EPN2: variants seen among roughly 807,000 people sequenced by gnomAD.
The protein encoded by EPN2 is epsin 2, also known as epsin-2.
EPN2 carries 34 observed loss-of-function variants against 61.7 expected under a neutral mutation model. The observed-to-expected ratio is 0.55, with a 90% CI of 0.42 to 0.73. The LOEUF (loss-of-function observed/expected upper bound fraction) is 0.73, where lower values mean the gene tolerates loss of function less well. Among genes scored for constraint, EPN2 ranks in the 30% least tolerant of loss-of-function variants. The pLI is 0.00. For synonymous variants in EPN2, 349 were observed against 353.6 expected (o/e 0.99, Z 0.15); for missense variants, 714 against 839.2 (o/e 0.85, Z 1.84).
chr17:19,283,280 C>T lies in EPN2; in HGVS notation c.161C>T (p.Ser54Leu), dbSNP rs2045375234. The change falls in exon 3 of 11, where the codon TCG becomes TTG. Residue 54 changes from serine (S) to leucine (L), a missense_variant. Ser to Leu is a moderately radical substitution (Grantham distance 145, BLOSUM62 -2). Around this residue, in one of 2 missense-constraint regions of EPN2, gnomAD observed 304 missense variants for 417.4 expected, o/e 0.73. Transcript: ENST00000314728. This position sits in a 1 kb window ranked among gnomAD's most constrained non-coding sequence, Gnocchi z 7.0. Reference protein sequence around the residue: ...ADLTYNVVAFSEIMSMVWKRL... With the variant: ...ADLTYNVVAFLEIMSMVWKRL... ...CTGACCTACAACGTGGTGGCCTTCT[C>T]GGAGATCATGAGCATGGTGTGGAAG... 15 of 1,614,094 alleles carry T rather than the reference C, an allele frequency of 9.3e-6. No individual in the cohort carries two copies. The East Asian group carries it at 1.3e-4, about 14-fold the overall frequency.
At chr17:19,269,890 G>A (rs868235145) in intron 1 of EPN2, among the ~76,000 whole-genome samples, 10 of 152,124 alleles carry the variant, frequency 6.6e-5, no homozygotes, top group Non-Finnish European at 1.2e-4. Flanking sequence ...CCATCTTTTG[G>A]CCTCAAACAT....
intron 1 of EPN2, among the ~76,000 whole-genome samples, chr17:19,254,136 GAA>G (rs2045047145): frequency 9.0e-6 from 1 of 110,788 alleles, no homozygotes; most frequent in East Asian, 3.1e-4. Flanking sequence ...TGTCTAAAAA[GAA>G]AGAGAGAGAG....
chr17:19,307,314 T>G (rs1293252937), intron 4 of EPN2, among the ~76,000 whole-genome samples: 2 of 152,068 alleles, frequency 1.3e-5, no homozygotes, highest in Non-Finnish European at 2.9e-5. Flanking sequence ...TAGCTGCAAC[T>G]TTCTTTTTTT....
At position 19,263,899 on chromosome 17, in the gene EPN2, G is replaced by C. The variant is rs80235624; in HGVS notation, c.-293-18056G>C. ...TCCCTGTGGTGGCTGAAGGAAAGAG[G>C]GGGGCTGGAGCGAGAAGGGGGGTTA... On this transcript the variant is annotated intron_variant, in intron 1 of 10. Coordinates refer to ENST00000314728, the MANE Select transcript of EPN2 (RefSeq NM_014964.5). Among the ~76,000 whole-genome samples, 986 of 150,840 alleles carry C rather than the reference G, an allele frequency of 6.5e-3. 54 individuals carry two copies. In the East Asian group the frequency reaches 0.12, roughly 19 times the overall value.
intron 1 of EPN2, among the ~76,000 whole-genome samples, chr17:19,242,774 T>C (rs1202489689): frequency 1.3e-5 from 2 of 152,256 alleles, no homozygotes; most frequent in Non-Finnish European, 2.9e-5. Flanking sequence ...CAGGGAAAAG[T>C]AGGCTCATCC....
At chr17:19,259,308 CTT>C (rs776768357) in intron 1 of EPN2, among the ~76,000 whole-genome samples, 3 of 96,188 alleles carry the variant, frequency 3.1e-5, no homozygotes, top group South Asian at 3.9e-4. Flanking sequence ...AGTGTTGGGT[CTT>C]TTTTTTTTTT....
intron 4 of EPN2, among the ~76,000 whole-genome samples, chr17:19,289,094 T>G (rs1250881162): frequency 1.4e-5 from 2 of 141,536 alleles, no homozygotes; most frequent in African/African-American, 5.3e-5. Flanking sequence ...TTTTTTTTTT[T>G]TTTTTTTTGA....
intron 7 of EPN2, among the ~76,000 whole-genome samples, chr17:19,324,912 G>A (rs554880111): frequency 1.1e-4 from 16 of 152,250 alleles, no homozygotes; most frequent in Admixed American, 2.0e-4. Context: ...ACAGCATTAG[G>A]AATGAAACAG....
At chr17:19,263,254 C>T (rs1009842727) in intron 1 of EPN2, among the ~76,000 whole-genome samples, 1 of 152,130 alleles carries the variant, frequency 6.6e-6, no homozygotes, top group African/African-American at 2.4e-5. Context: ...CTGTCATAGG[C>T]CTAGAAGTGG....
At chr17:19,329,232 C>T in intron 8 of EPN2, 1 of 433,152 alleles carries the variant, frequency 2.3e-6, no homozygotes, top group Non-Finnish European at 4.1e-6. Flanking sequence ...TGACTTCCTA[C>T]AGACCCTCAT....
chr17:19,290,720 A>AAACAG lies in EPN2; in HGVS notation c.766+4932_766+4933insCAGAA, dbSNP rs1555600087. 4.7e-5 allele frequency among the ~76,000 whole-genome samples: 5 copies of AAACAG among 105,570 alleles called. No homozygotes were observed. In the South Asian group the frequency reaches 1.4e-3, roughly 29 times the overall value. 69.3% of individuals were successfully genotyped at this position (105,570 alleles called of 152,430 possible). A position where few individuals can be genotyped will look rare whatever the true frequency, so the allele number is the denominator to read the frequency against. On this transcript the variant is annotated intron_variant, in intron 4 of 10. Transcript: ENST00000314728. The stretch of plus-strand genomic sequence containing the variant: ...GTTCTCAAAAAAAAAAAAAAAGAAA[A>AAACAG]AAAAAGAAAAAGGAAGGCAGGCAGA...
intron 4 of EPN2, among the ~76,000 whole-genome samples, chr17:19,298,614 C>T (rs1567859521): frequency 6.6e-6 from 1 of 152,128 alleles, no homozygotes; most frequent in South Asian, 2.1e-4. Context: ...AGGGATCTTC[C>T]CATCTCAGCC....
At chr17:19,329,290 C>T (rs566329290) in intron 8 of EPN2, 2 of 469,618 alleles carry the variant, frequency 4.3e-6, no homozygotes, top group Non-Finnish European at 7.5e-6. Flanking sequence ...TGCCAGCACC[C>T]CTTTGCCTTT....
chr17:19,293,599 C>T (rs548280046), intron 4 of EPN2, among the ~76,000 whole-genome samples: 7 of 148,940 alleles, frequency 4.7e-5, no homozygotes, highest in Admixed American at 4.1e-4. Flanking sequence ...TGCCACGTTG[C>T]CCAGGCTGAT....
chr17:19,254,127 G>C (rs928388927), intron 1 of EPN2, among the ~76,000 whole-genome samples: 3 of 135,376 alleles, frequency 2.2e-5, no homozygotes, highest in South Asian at 5.4e-4. Flanking sequence ...GCAAGAATCT[G>C]TCTAAAAAGA....
At chr17:19,269,835 A>T (rs772393344) in intron 1 of EPN2, among the ~76,000 whole-genome samples, 70 of 152,140 alleles carry the variant, frequency 4.6e-4, no homozygotes, top group Non-Finnish European at 2.9e-5. Flanking sequence ...GAAAGGATCC[A>T]TTATGGCCCA....
intron 1 of EPN2, among the ~76,000 whole-genome samples, chr17:19,260,069 GC>G (rs1328789992): frequency 6.6e-6 from 1 of 152,192 alleles, no homozygotes; most frequent in Non-Finnish European, 1.5e-5. Flanking sequence ...GGAGCTCTCT[GC>G]AGACAGGGAC....
chr17:19,278,933 G>A lies in EPN2; in HGVS notation c.-293-3022G>A, dbSNP rs79609324. Reference sequence around the variant, plus strand: ...ATTACAGTCATGAACCACCGTGCCCGGCCCCTAGTGAGGATTTCTTAGTGA... The same window carrying A: ...ATTACAGTCATGAACCACCGTGCCCAGCCCCTAGTGAGGATTTCTTAGTGA... On this transcript the variant is annotated intron_variant, in intron 1 of 10. Transcript: ENST00000314728. 6.6e-3 allele frequency among the ~76,000 whole-genome samples: 1,010 copies of A among 152,228 alleles called. 54 individuals carry two copies. In the East Asian group the frequency reaches 0.12, roughly 18 times the overall value.
At chr17:19,303,796 T>C (rs1251553918) in intron 4 of EPN2, 4 of 152,198 alleles carry the variant, frequency 2.6e-5, no homozygotes, top group Admixed American at 6.5e-5. Flanking sequence ...TATATATATA[T>C]GTTCCTGTTA....
Sources: allele counts gnomAD v4.1 joint callset (sites outside exome capture counted in the v4.1 genomes callset), GRCh38; gene constraint gnomAD v4.1.1; regional missense constraint gnomAD v4.1.1; non-coding constraint Gnocchi (gnomAD v3.1); transcripts MANE v1.5; gene names NCBI Gene and HGNC (gene_info 2026-07-23, HGNC 2026-07-21).